The following ASIC2 variants were observed in gnomAD, a reference collection of about 807,000 sequenced individuals.
The protein encoded by ASIC2 is acid sensing ion channel subunit 2, also known as acid-sensing ion channel 2.
In ASIC2, 25 loss-of-function variants were observed where a neutral mutation model predicts 57.3. That is an observed-to-expected ratio of 0.44 (90% CI 0.32 to 0.61). The LOEUF is 0.61. Among genes scored for constraint, ASIC2 ranks in the 20% least tolerant of loss-of-function variants. The pLI is 0.06. For synonymous variants in ASIC2, 319 were observed against 307.5 expected, an observed-to-expected ratio of 1.04 and a Z score of -0.39; for missense variants, 641 against 738.1, an observed-to-expected ratio of 0.87 and a Z score of 1.52.
chr17:33,524,185 C>T (rs768782124), intron 1 of ASIC2, among the ~76,000 whole-genome samples: 2 of 152,194 alleles, frequency 1.3e-5, no homozygotes, highest in African/African-American at 2.4e-5. Flanking sequence ...CTTGCTAATC[C>T]CTGCCTCCAA....
Position 33,172,593 on chromosome 17 carries a change from T to C in ASIC2, c.709-60526A>G, listed in dbSNP as rs570996380. ...CCTTGCCACTAGCAGAGAGGCTAGT[T>C]ACCCATCAAGAGGGAAGTCTGTGGG... On this transcript the variant is annotated intron_variant, in intron 1 of 9. Transcript: ENST00000225823. Among the ~76,000 whole-genome samples, 336 of 152,294 alleles carry C rather than the reference T, an allele frequency of 2.2e-3. 1 individual carries two copies. Among genetic ancestry groups the C allele is most frequent in the Non-Finnish European group, 3.8e-3 (261 of 68,014 alleles).
At chr17:33,614,688 C>T (rs1369108) in intron 1 of ASIC2, among the ~76,000 whole-genome samples, 56,964 of 152,134 alleles carry the variant, frequency 0.37, 10,888 homozygotes, top group East Asian at 0.49. Context: ...TGTTTGCAGT[C>T]CTGCCATCCA....
At chr17:33,660,765 T>C (rs1391104527) in intron 1 of ASIC2, among the ~76,000 whole-genome samples, 1 of 152,236 alleles carries the variant, frequency 6.6e-6, no homozygotes, top group Non-Finnish European at 1.5e-5. Context: ...TCTGTTAGAC[T>C]CTTACGGAAC....
chr17:33,507,172 A>C (rs998951558), intron 1 of ASIC2, among the ~76,000 whole-genome samples: 2 of 152,198 alleles, frequency 1.3e-5, no homozygotes, highest in South Asian at 4.1e-4. Context: ...TAGTCCCTGA[A>C]AACAGCTCTG....
At chr17:33,688,805 A>G (rs879350940) in intron 1 of ASIC2, 5 of 152,168 alleles carry the variant, frequency 3.3e-5, no homozygotes, top group Non-Finnish European at 5.9e-5. Flanking sequence ...TAACTAGAGA[A>G]ACTGAGATTC....
Position 34,091,480 on chromosome 17 carries a change from C to T in ASIC2, c.555+64498G>A, listed in dbSNP as rs980158905. On this transcript the variant is annotated intron_variant, in intron 1 of 9. Transcript: ENST00000359872. ...TGAGTGGCAGTAGTTAGGGGTTACC[C>T]GGCATCTCCCCATTATGCAGCCAGG... 6.4e-4 allele frequency among the ~76,000 whole-genome samples: 97 copies of T among 152,338 alleles called. 1 individual carries two copies. Among genetic ancestry groups the T allele is most frequent in the African/African-American group, 2.0e-3 (83 of 41,576 alleles).
At chr17:33,337,141 A>C (rs1907545707) in intron 1 of ASIC2, among the ~76,000 whole-genome samples, 1 of 151,724 alleles carries the variant, frequency 6.6e-6, no homozygotes, top group Non-Finnish European at 1.5e-5. Flanking sequence ...CTTGGTTCTG[A>C]CTCCATTTCC....
rs574055434 is a variant in ASIC2 at position 33,120,427 on chromosome 17, A to ACAGG, written c.709-8364_709-8361dup. Among the ~76,000 whole-genome samples the ACAGG allele has an allele frequency of 6.6e-5, 10 of 152,364 alleles. No individual in the cohort carries two copies. The East Asian group carries it at 1.9e-3, about 29-fold the overall frequency. On this transcript the variant is annotated intron_variant, in intron 1 of 9. Transcript: ENST00000225823. Reference sequence around the variant, plus strand: ...TGGGAAAACAACACGAAGGGGAACAACAGGCAAATCTTAGTGTTCTCCTTC... The same window carrying ACAGG: ...TGGGAAAACAACACGAAGGGGAACAACAGGCAGGCAAATCTTAGTGTTCTCCTTC...
At chr17:33,655,611 C>T (rs1907051769) in intron 1 of ASIC2, among the ~76,000 whole-genome samples, 1 of 152,204 alleles carries the variant, frequency 6.6e-6, no homozygotes, top group Admixed American at 6.5e-5. Flanking sequence ...TTGACTGTTC[C>T]AGGAGGCCCT....
chr17:33,660,447 T>C, intron 1 of ASIC2, among the ~76,000 whole-genome samples: 1 of 152,266 alleles, frequency 6.6e-6, no homozygotes, highest in Non-Finnish European at 1.5e-5. Context: ...TATAAGCTTT[T>C]TTCTGTTTTT....
chr17:34,115,840 C>T (rs1052980241), intron 1 of ASIC2, among the ~76,000 whole-genome samples: 2 of 152,216 alleles, frequency 1.3e-5, no homozygotes, highest in Non-Finnish European at 2.9e-5. Flanking sequence ...TGCTTTTATC[C>T]AATAGCGCAA....
At chr17:33,088,222 G>A (rs368323211) in intron 3 of ASIC2, among the ~76,000 whole-genome samples, 6 of 152,154 alleles carry the variant, frequency 3.9e-5, no homozygotes, top group Non-Finnish European at 5.9e-5. Context: ...GTGTCTCTCC[G>A]CAGTCCTGCT....
chr17:33,096,138 C>T (rs550318849), intron 2 of ASIC2, among the ~76,000 whole-genome samples: 1 of 152,182 alleles, frequency 6.6e-6, no homozygotes, highest in Non-Finnish European at 1.5e-5. Flanking sequence ...GAGAGAAACT[C>T]TCTCTGAAAT....
chr17:33,478,306 G>T (rs1913294895), intron 1 of ASIC2, among the ~76,000 whole-genome samples: 2 of 152,206 alleles, frequency 1.3e-5, no homozygotes, highest in Admixed American at 1.3e-4. Context: ...GGGCTAGGGG[G>T]CTTAAGGGGC....
At chr17:33,653,622 AT>A (rs1450486953) in intron 1 of ASIC2, among the ~76,000 whole-genome samples, 1 of 152,084 alleles carries the variant, frequency 6.6e-6, no homozygotes, top group African/African-American at 2.4e-5. Flanking sequence ...GGCATTTGGT[AT>A]TGTTCTTTTG....
At chr17:33,129,196 C>T (rs1476431797) in intron 1 of ASIC2, among the ~76,000 whole-genome samples, 3 of 152,172 alleles carry the variant, frequency 2.0e-5, no homozygotes, top group Admixed American at 2.0e-4. Context: ...GAAAATTTGG[C>T]AGGTGGGCAA....
intron 1 of ASIC2, among the ~76,000 whole-genome samples, chr17:33,141,247 G>A (rs900990415): frequency 6.6e-6 from 1 of 152,240 alleles, no homozygotes; most frequent in African/African-American, 2.4e-5. Context: ...AAAGTATCTA[G>A]AGCATCCCTT....
At position 33,366,384 on chromosome 17, in the gene ASIC2, A is replaced by T. The variant is rs549893746; in HGVS notation, c.556-254317T>A. Among the ~76,000 whole-genome samples the T allele has an allele frequency of 2.6e-4, 39 of 152,204 alleles. No individual in the cohort carries two copies. In the South Asian group the frequency reaches 7.7e-3, roughly 30 times the overall value. On this transcript the variant is annotated intron_variant, in intron 1 of 9. Coordinates refer to the ASIC2 transcript ENST00000359872. ...ACTCTCTTCCTCCCACTCTCTCTAG[A>T]TGCTCTCAGCTCTTTGAAGGCACTC...
At chr17:33,973,070 G>A (rs1905267998) in intron 1 of ASIC2, among the ~76,000 whole-genome samples, 1 of 152,234 alleles carries the variant, frequency 6.6e-6, no homozygotes, top group Non-Finnish European at 1.5e-5. Context: ...CCCAAAGAGG[G>A]GATGATCTGA....
Sources: gnomAD v4.1 joint callset for allele counts (sites outside exome capture counted in the v4.1 genomes callset) on GRCh38, gnomAD v4.1.1 for gene constraint, MANE v1.5 for transcripts, NCBI Gene and HGNC (gene_info 2026-07-23, HGNC 2026-07-21) for gene names.